HDAC9: variants seen among roughly 807,000 people sequenced by gnomAD.
HDAC9 encodes histone deacetylase 9.
Under a neutral mutation model 139.4 loss-of-function variants are expected in HDAC9, and 41 were observed. That is an observed-to-expected ratio of 0.29 (90% CI 0.23 to 0.38). The LOEUF (loss-of-function observed/expected upper bound fraction) is 0.38. Ranked by LOEUF, HDAC9 falls within the 10% of genes least tolerant of loss-of-function variation. The pLI is 1.00. For synonymous variants in HDAC9, 517 were observed against 476.2 expected (o/e 1.09, Z -1.12); for missense variants, 1,147 against 1,297.0 (o/e 0.88, Z 1.78).
At chr7:18,202,749 C>T (rs887768474) in intron 2 of HDAC9, among the ~76,000 whole-genome samples, 1 of 152,126 alleles carries the variant, frequency 6.6e-6, no homozygotes, top group Non-Finnish European at 1.5e-5. Flanking sequence ...GCTTCATGGG[C>T]ATGTCAAGTA....
chr7:18,604,563 A>T (rs1041763897), intron 6 of HDAC9, among the ~76,000 whole-genome samples: 4 of 149,822 alleles, frequency 2.7e-5, no homozygotes, highest in Non-Finnish European at 4.4e-5. Context: ...CGCCCAGCTA[A>T]TTTTTTTTTT....
intron 1 of HDAC9, among the ~76,000 whole-genome samples, chr7:18,360,670 A>C (rs1783704901): frequency 6.6e-6 from 1 of 152,094 alleles, no homozygotes; most frequent in African/African-American, 2.4e-5. Flanking sequence ...TATTCCTTTC[A>C]TTTAGTTACT....
At chr7:18,879,760 T>A (rs114608397) in intron 22 of HDAC9, among the ~76,000 whole-genome samples, 3,914 of 152,204 alleles carry the variant, frequency 0.026, 172 homozygotes, top group East Asian at 0.14. Context: ...TGGTAAAGAT[T>A]TTATGACAAA....
At chr7:18,896,930 T>C (rs779156812) in intron 22 of HDAC9, among the ~76,000 whole-genome samples, 5 of 151,958 alleles carry the variant, frequency 3.3e-5, no homozygotes, top group Non-Finnish European at 7.4e-5. Flanking sequence ...TGAGGAAAAT[T>C]CATTCTCAAT....
chr7:18,587,817 C>T (rs1168757975), intron 3 of HDAC9, among the ~76,000 whole-genome samples: 1 of 152,150 alleles, frequency 6.6e-6, no homozygotes, highest in Non-Finnish European at 1.5e-5. Context: ...TGTTTTAAAC[C>T]TCATTCATGC....
At chr7:18,209,075 A>T (rs180733267) in intron 2 of HDAC9, among the ~76,000 whole-genome samples, 1 of 152,324 alleles carries the variant, frequency 6.6e-6, no homozygotes, top group East Asian at 1.9e-4. Flanking sequence ...GTCATTTCCA[A>T]ATTCCTGTGG....
chr7:18,462,413 A>G (rs1178709584), intron 1 of HDAC9, among the ~76,000 whole-genome samples: 1 of 152,042 alleles, frequency 6.6e-6, no homozygotes, highest in Non-Finnish European at 1.5e-5. Flanking sequence ...TTTCTTAATT[A>G]AAACCCTCAT....
chr7:18,977,561 C>T (rs1465400944), intron 25 of HDAC9, among the ~76,000 whole-genome samples: 2 of 152,114 alleles, frequency 1.3e-5, no homozygotes, highest in African/African-American at 2.4e-5. Flanking sequence ...TGTTTATCCT[C>T]AGGTAAATAG....
chr7:18,459,046 C>A, intron 1 of HDAC9: 1 of 628,976 alleles, frequency 1.6e-6, no homozygotes, highest in South Asian at 1.9e-5. Context: ...TTGCCACGGG[C>A]TACTGACCAA....
chr7:18,136,570 C>T lies in HDAC9; in HGVS notation c.-96-25659C>T, dbSNP rs1360050967. Among the ~76,000 whole-genome samples the T allele has an allele frequency of 5.3e-5, 8 of 152,246 alleles. No homozygotes were observed. The East Asian group carries it at 1.5e-3, about 29-fold the overall frequency. The stretch of plus-strand genomic sequence containing the variant: ...ATTTATTAAATAGGGAATCCTTTCC[C>T]CATTGCTTGTTTTTCTCAGGTTTGT... On this transcript the variant is annotated intron_variant, in intron 1 of 12. Transcript: ENST00000417496.
chr7:18,823,661 A>G (rs1394785660), intron 17 of HDAC9, among the ~76,000 whole-genome samples: 2 of 152,124 alleles, frequency 1.3e-5, no homozygotes, highest in Non-Finnish European at 2.9e-5. Flanking sequence ...TAAGGTCCCC[A>G]GTGAGATAGG....
At chr7:18,917,965 T>C (rs1803358460) in intron 22 of HDAC9, among the ~76,000 whole-genome samples, 1 of 152,012 alleles carries the variant, frequency 6.6e-6, no homozygotes. Flanking sequence ...AGATAGTGTG[T>C]CATTAGCGTT....
At chr7:18,757,397 C>T (rs1178174) in intron 14 of HDAC9, among the ~76,000 whole-genome samples, 45,149 of 151,922 alleles carry the variant, frequency 0.3, 7,737 homozygotes, top group East Asian at 0.66. Flanking sequence ...GGCAGGTACT[C>T]TGACTTGTCA....
intron 13 of HDAC9, among the ~76,000 whole-genome samples, chr7:18,729,539 CTG>C (rs1263264370): frequency 6.6e-6 from 1 of 152,094 alleles, no homozygotes; most frequent in African/African-American, 2.4e-5. Flanking sequence ...TTTAAGGAAA[CTG>C]TGTTGCCAAA....
intron 2 of HDAC9, among the ~76,000 whole-genome samples, chr7:18,499,373 G>A (rs1432872195): frequency 1.3e-5 from 2 of 151,584 alleles, no homozygotes; most frequent in East Asian, 1.9e-4. Flanking sequence ...ATATTGACTC[G>A]GCCAGGCTAA....
At chr7:18,576,295 C>T (rs1825911743) in intron 2 of HDAC9, among the ~76,000 whole-genome samples, 1 of 152,048 alleles carries the variant, frequency 6.6e-6, no homozygotes, top group Non-Finnish European at 1.5e-5. Context: ...TGAGTGTTAG[C>T]CAGGAACGTA....
At chr7:18,422,537 G>A (rs934996894) in intron 1 of HDAC9, among the ~76,000 whole-genome samples, 1 of 152,066 alleles carries the variant, frequency 6.6e-6, no homozygotes, top group Non-Finnish European at 1.5e-5. Context: ...GGTCTCTAAA[G>A]AGCACTCTAT....
intron 2 of HDAC9, among the ~76,000 whole-genome samples, chr7:18,507,711 G>A (rs771182522): frequency 6.6e-6 from 1 of 151,940 alleles, no homozygotes; most frequent in East Asian, 1.9e-4. Flanking sequence ...GGCTGGTCTC[G>A]ATCTCTCGAC....
Position 18,829,450 on chromosome 7 carries a change from C to T in HDAC9, c.2379-11C>T, listed in dbSNP as rs2129206186. 2 of 1,589,980 alleles carry T rather than the reference C, an allele frequency of 1.3e-6. No individual in the cohort carries two copies. Among genetic ancestry groups the T allele is most frequent in the South Asian group, 1.1e-5 (1 of 89,978 alleles). ...TGCTTTCTTATTTCTCTGTTCTTCT[C>T]TATTCCGCAGGGGGTTCTGCTTTTT... On this transcript the variant is annotated splice_polypyrimidine_tract_variant and intron_variant, in intron 18 of 25. Coordinates refer to ENST00000686413, the MANE Select transcript of HDAC9 (RefSeq NM_178425.4).
Sources: allele counts gnomAD v4.1 joint callset (sites outside exome capture counted in the v4.1 genomes callset), GRCh38; gene constraint gnomAD v4.1.1; transcripts MANE v1.5; gene names NCBI Gene and HGNC (gene_info 2026-07-23, HGNC 2026-07-21).